RNF217: variants seen among roughly 807,000 people sequenced by gnomAD.
RNF217 encodes ring finger protein 217.
Under a neutral mutation model 57.8 loss-of-function variants are expected in RNF217, and 31 were observed. That is an observed-to-expected ratio of 0.54 (90% CI 0.40 to 0.72). The LOEUF (loss-of-function observed/expected upper bound fraction) is 0.72, where lower values mean the gene tolerates loss of function less well. RNF217 is among the 30% of genes least tolerant of loss of function. RNF217 has a pLI of 0.00. For missense variants in RNF217, 696 were observed against 708.3 expected (o/e 0.98, Z 0.20); for synonymous variants, 313 against 294.0 (o/e 1.06, Z -0.66).
intron 1 of RNF217, among the ~76,000 whole-genome samples, chr6:124,993,599 G>T (rs1316803327): frequency 6.6e-6 from 1 of 152,146 alleles, no homozygotes; most frequent in African/African-American, 2.4e-5. Context: ...TCAGGGAATT[G>T]TAGCCTATTC....
At chr6:125,020,178 C>T (rs909970201) in intron 1 of RNF217, among the ~76,000 whole-genome samples, 3 of 152,206 alleles carry the variant, frequency 2.0e-5, no homozygotes, top group Non-Finnish European at 4.4e-5. Flanking sequence ...GGCTTGGGCT[C>T]AGATGTCTGC....
intron 1 of RNF217, among the ~76,000 whole-genome samples, chr6:124,978,066 A>G (rs1345646549): frequency 1.3e-5 from 2 of 152,158 alleles, no homozygotes; most frequent in Non-Finnish European, 2.9e-5. Context: ...GCTTAGCACC[A>G]TGCTAATCAT....
chr6:125,014,202 A>G (rs1349802545), intron 1 of RNF217, among the ~76,000 whole-genome samples: 1 of 152,188 alleles, frequency 6.6e-6, no homozygotes, highest in African/African-American at 2.4e-5. Flanking sequence ...GAATAGATTG[A>G]AAGCTCTTGC....
chr6:125,013,822 C>CG (rs1264473938), intron 1 of RNF217, among the ~76,000 whole-genome samples: 1 of 152,118 alleles, frequency 6.6e-6, no homozygotes, highest in East Asian at 1.9e-4. Flanking sequence ...ATTCTTCTGT[C>CG]ATGTACCTAC....
intron 1 of RNF217, among the ~76,000 whole-genome samples, chr6:125,015,297 A>T (rs1009675976): frequency 6.6e-6 from 1 of 152,190 alleles, no homozygotes; most frequent in Non-Finnish European, 1.5e-5. Flanking sequence ...TTTTAAAAAC[A>T]TGGCTATATA....
intron 1 of RNF217, among the ~76,000 whole-genome samples, chr6:124,970,826 T>C (rs1157364497): frequency 6.6e-6 from 1 of 152,184 alleles, no homozygotes; most frequent in Non-Finnish European, 1.5e-5. Flanking sequence ...AGAAGAGTAC[T>C]GAGAGTACTT....
chr6:125,013,550 G>GAA (rs142124188), intron 1 of RNF217, among the ~76,000 whole-genome samples: 603 of 145,716 alleles, frequency 4.1e-3, no homozygotes, highest in South Asian at 4.8e-3. Context: ...ATATGTCTGG[G>GAA]AAAAAAAAAA....
intron 1 of RNF217, among the ~76,000 whole-genome samples, chr6:124,983,020 A>G (rs978901068): frequency 6.6e-6 from 1 of 152,350 alleles, no homozygotes; most frequent in African/African-American, 2.4e-5. Flanking sequence ...CAGTAAAAGG[A>G]TCACTTCATA....
At chr6:125,057,880 T>G in intron 2 of RNF217, 62 bp from the exon 3 acceptor site, 2 of 1,404,116 alleles carry the variant, frequency 1.4e-6, no homozygotes, top group Middle Eastern at 1.9e-4. Context: ...CATCACCTTC[T>G]TATCCTTTTA....
chr6:125,058,005 G>A lies in RNF217; in HGVS notation c.1180G>A (p.Val394Ile), dbSNP rs1787586006. 7 of 1,613,300 alleles carry A rather than the reference G, an allele frequency of 4.3e-6. No homozygotes were observed. The highest frequency in any genetic ancestry group is 5.9e-6 in the Non-Finnish European group (7 of 1,179,520). ...GTGCCACTCTCCTTGGCATGAAGGT[G>A]TTAACTGCAAGGAGTACAAAAAAGG... Reference protein sequence around the residue: ...FKCHSPWHEGVNCKEYKKGDK... With the variant: ...FKCHSPWHEGINCKEYKKGDK... The change falls in exon 3 of 6, where the codon GTT becomes ATT. Residue 394 changes from valine (V) to isoleucine (I), a missense_variant. This residue lies in a region of RNF217 where 231 missense variants were observed against 321.4 expected (regional missense o/e 0.72). Transcript: ENST00000521654.
intron 1 of RNF217, among the ~76,000 whole-genome samples, chr6:124,982,693 C>T (rs1376616093): frequency 1.3e-5 from 2 of 152,084 alleles, no homozygotes; most frequent in Non-Finnish European, 2.9e-5. Flanking sequence ...TAAACAATTG[C>T]TTTATGTGCC....
intron 1 of RNF217, among the ~76,000 whole-genome samples, chr6:125,030,365 T>C (rs1392315518): frequency 3.3e-5 from 5 of 152,148 alleles, no homozygotes; most frequent in Non-Finnish European, 7.3e-5. Context: ...CATTTCAGCA[T>C]TAACCCAAAA....
intron 1 of RNF217, among the ~76,000 whole-genome samples, chr6:124,985,661 A>AG (rs1784342281): frequency 6.6e-6 from 1 of 152,176 alleles, no homozygotes; most frequent in African/African-American, 2.4e-5. Context: ...TGGAATTTTA[A>AG]GGACACATAA....
At chr6:124,980,241 C>T in intron 1 of RNF217, among the ~76,000 whole-genome samples, 1 of 152,170 alleles carries the variant, frequency 6.6e-6, no homozygotes, top group East Asian at 1.9e-4. Context: ...TTGTCAGAAT[C>T]AGTTTTTTCA....
chr6:125,057,862 T>G (rs1787579183), intron 2 of RNF217, 80 bp from the exon 3 acceptor site: 1 of 1,248,646 alleles, frequency 8.0e-7, no homozygotes, highest in South Asian at 1.7e-5. Context: ...TTAGCTAATT[T>G]CCCCAAGCAT....
intron 3 of RNF217, among the ~76,000 whole-genome samples, chr6:125,061,465 T>C (rs1293159860): frequency 1.3e-5 from 2 of 151,888 alleles, no homozygotes; most frequent in Non-Finnish European, 2.9e-5. Context: ...TAAAATTTTC[T>C]GTTCATACCC....
At position 125,084,084 on chromosome 6, in the gene RNF217, T is replaced by C. The variant is rs1475345054; in HGVS notation, c.*1147T>C. The C allele has an allele frequency of 6.6e-6, 1 of 152,138 alleles. No individual in the cohort carries two copies. The highest frequency in any genetic ancestry group is 1.9e-4 in the East Asian group (1 of 5,178). The allele number at this position is 152,138 out of a possible 1,614,324, so 9.4% of individuals were successfully genotyped here. On this transcript the variant is annotated 3_prime_UTR_variant, in exon 6 of 6. Transcript: ENST00000521654. ...ACATCATTTAATATCCTAACCTTGT[T>C]ATCTCTTGCCTCCTCCTCTCTGTTT...
In RNF217 at chr6:125,085,181, T is replaced by C. The variant is rs1345035156; in HGVS notation, c.*2244T>C. 6.6e-6 allele frequency: 1 copy of C among 152,000 alleles called. No individual in the cohort carries two copies. Among genetic ancestry groups the C allele is most frequent in the Admixed American group, 6.6e-5 (1 of 15,232 alleles). The allele number at this position is 152,000 out of a possible 1,614,324, so 9.4% of individuals were successfully genotyped here. A position where few individuals can be genotyped will look rare whatever the true frequency, so the allele number is the denominator to read the frequency against. On this transcript the variant is annotated 3_prime_UTR_variant, in exon 6 of 6. Coordinates refer to ENST00000521654, the MANE Select transcript of RNF217 (RefSeq NM_001286398.3). Reference sequence around the variant, plus strand: ...GTTGTCTTTGGCCTACTCAGGGATTTTTATTTCTTTAAATAACTTATCTTT... The same window carrying C: ...GTTGTCTTTGGCCTACTCAGGGATTCTTATTTCTTTAAATAACTTATCTTT...
chr6:124,963,072 C>A lies in RNF217; in HGVS notation c.528C>A (p.Ala176=). The A allele has an allele frequency of 1.3e-6, 2 of 1,559,774 alleles. No homozygotes were observed. Among genetic ancestry groups the A allele is most frequent in the Non-Finnish European group, 1.7e-6 (2 of 1,160,638 alleles). ...VYCVESDLPE[A]PASEQLSPPA... is the part of the protein sequence containing the mutation. ...GCGTGGAGAGCGACCTGCCCGAGGC[C>A]CCCGCCTCGGAGCAGCTCTCGCCGC... The change falls in exon 1 of 6, where the codon GCC becomes GCA. Residue 176 remains alanine (A), a synonymous_variant. Transcript: ENST00000521654.
Sources: gnomAD v4.1 joint callset for allele counts (sites outside exome capture counted in the v4.1 genomes callset) on GRCh38, gnomAD v4.1.1 for gene constraint, gnomAD v4.1.1 regional missense constraint, MANE v1.5 for transcripts, NCBI Gene and HGNC (gene_info 2026-07-23, HGNC 2026-07-21) for gene names.